Variants in TJP1 observed in about 807,000 individuals in gnomAD.
The protein encoded by TJP1 is tight junction protein ZO-1.
In TJP1, 43 loss-of-function variants were observed where a neutral mutation model predicts 194.2. The ratio of observed to expected loss-of-function variants is 0.22; its 90% confidence interval spans 0.17 to 0.29. The LOEUF is 0.29. Among genes scored for constraint, TJP1 ranks in the 10% least tolerant of loss-of-function variants. The pLI is 1.00. For synonymous variants in TJP1, 801 were observed against 779.0 expected (o/e 1.03, Z -0.47); for missense variants, 1,971 against 2,185.7 (o/e 0.90, Z 1.96).
chr15:29,967,408 A>G (rs2056371564), intron 1 of TJP1, among the ~76,000 whole-genome samples: 1 of 152,074 alleles, frequency 6.6e-6, no homozygotes, highest in African/African-American at 2.4e-5. Flanking sequence ...GAAAGACACT[A>G]ACATTTACTA....
intron 2 of TJP1, among the ~76,000 whole-genome samples, chr15:29,941,638 A>C (rs968478683): frequency 6.6e-5 from 10 of 152,074 alleles, no homozygotes; most frequent in Non-Finnish European, 1.2e-4. Context: ...TTCCAGATCC[A>C]GTTTCCCAGC....
intron 2 of TJP1, among the ~76,000 whole-genome samples, chr15:29,874,832 A>G (rs2052643165): frequency 6.6e-6 from 1 of 152,260 alleles, no homozygotes; most frequent in Admixed American, 6.5e-5. Flanking sequence ...GACAAATGTC[A>G]CACAAAATGT....
chr15:29,964,754 C>T (rs1240197522), intron 1 of TJP1, among the ~76,000 whole-genome samples: 2 of 152,220 alleles, frequency 1.3e-5, no homozygotes, highest in Admixed American at 6.5e-5. Flanking sequence ...CAAACTTATA[C>T]CTACCTCAGG....
At position 29,778,180 on chromosome 15, in the gene TJP1, A is replaced by T. The variant is rs1224958990; in HGVS notation, c.85-4823T>A. Among the ~76,000 whole-genome samples, 5 of 152,272 alleles carry T rather than the reference A, an allele frequency of 3.3e-5. No individual in the cohort carries two copies. The East Asian group carries it at 9.7e-4, about 29-fold the overall frequency. On this transcript the variant is annotated intron_variant, in intron 2 of 27. Transcript: ENST00000614355. ...TAATCCTGCTACATCAGTGCTTACCACAGTTCACTTAATGACTATCCAGGA... is the reference window on the plus strand; with the variant it reads ...TAATCCTGCTACATCAGTGCTTACCTCAGTTCACTTAATGACTATCCAGGA...
intron 23 of TJP1, among the ~76,000 whole-genome samples, chr15:29,715,921 T>C (rs1207936897): frequency 6.6e-6 from 1 of 152,242 alleles, no homozygotes; most frequent in Non-Finnish European, 1.5e-5. Flanking sequence ...GGTATGAATC[T>C]ACCTGTGTGC....
rs2041726369 is a variant in TJP1 at position 29,703,985 on chromosome 15, C to T, written c.5212+177G>A. ...AAAGGCAGAAAGTCTTCTACCTTTC[C>T]ATATTTATTTACAATATATGCACCA... On this transcript the variant is annotated intron_variant, in intron 27 of 27. Transcript: ENST00000614355. Among the ~76,000 whole-genome samples, 4 of 152,298 alleles carry T rather than the reference C, an allele frequency of 2.6e-5. No individual in the cohort carries two copies. The South Asian group carries it at 6.2e-4, about 24-fold the overall frequency.
chr15:29,754,912 G>A (rs1015948540), intron 8 of TJP1, among the ~76,000 whole-genome samples: 3 of 152,172 alleles, frequency 2.0e-5, no homozygotes, highest in Non-Finnish European at 4.4e-5. Flanking sequence ...TATACAGTAA[G>A]ATGAAATAAT....
Position 29,718,383 on chromosome 15 carries a change from T to C in TJP1, c.3759A>G (p.Glu1253=). The C allele has an allele frequency of 6.2e-7, 1 of 1,614,170 alleles. No homozygotes were observed. The highest frequency in any genetic ancestry group is 8.5e-7 in the Non-Finnish European group (1 of 1,180,028). The change falls in exon 21 of 28, where the codon GAA becomes GAG. Residue 1253 remains glutamate, a synonymous_variant. Transcript: ENST00000614355. ...GTGGCTTCATTGCTGGATCTTCCTC[T>C]TCTTCGGTTTGAGTTGGGGGTGGAG... ...PLPPPPTQTE[E]EEDPAMKPQS... is the part of the protein sequence containing the mutation.
intron 8 of TJP1, among the ~76,000 whole-genome samples, chr15:29,743,541 A>G (rs2044565252): frequency 6.6e-6 from 1 of 152,192 alleles, no homozygotes; most frequent in Admixed American, 6.5e-5. Flanking sequence ...GCTGGGCAAC[A>G]TAGCAAATTC....
intron 2 of TJP1, among the ~76,000 whole-genome samples, chr15:29,839,052 G>T (rs1263662345): frequency 8.0e-6 from 1 of 125,722 alleles, no homozygotes; most frequent in African/African-American, 3.0e-5. Flanking sequence ...AGGCTGGAGT[G>T]CAGTGGTGCC....
rs975368015 is a variant in TJP1 at position 29,923,897 on chromosome 15, G to A, written c.306+32335C>T. On this transcript the variant is annotated intron_variant, in intron 2 of 28. Coordinates refer to the TJP1 transcript ENST00000356107. ...ACCCCTGCCACCTGAGTACCCTCATGCTTACAGCTAAACATGCCTATGTGT... is the reference window on the plus strand; with the variant it reads ...ACCCCTGCCACCTGAGTACCCTCATACTTACAGCTAAACATGCCTATGTGT... Among the ~76,000 whole-genome samples the A allele has an allele frequency of 4.6e-5, 7 of 152,292 alleles. No individual in the cohort carries two copies. In the East Asian group the frequency reaches 9.7e-4, roughly 21 times the overall value.
At chr15:29,755,627 T>G (rs1473104369) in intron 8 of TJP1, among the ~76,000 whole-genome samples, 1 of 152,228 alleles carries the variant, frequency 6.6e-6, no homozygotes. Context: ...TTCAATCTTC[T>G]GAAAACACTG....
At chr15:29,909,338 CAAAAAAAAAAAA>C (rs11353216) in intron 2 of TJP1, among the ~76,000 whole-genome samples, 1 of 93,670 alleles carries the variant, frequency 1.1e-5, no homozygotes, top group Non-Finnish European at 2.1e-5. Flanking sequence ...ACTTCATCTC[CAAAAAAAAAAAA>C]AAAAAAAGAG....
intron 2 of TJP1, among the ~76,000 whole-genome samples, chr15:29,870,500 A>C (rs2052474896): frequency 6.6e-6 from 1 of 152,238 alleles, no homozygotes; most frequent in Non-Finnish European, 1.5e-5. Flanking sequence ...AAAACTCTTA[A>C]GCTTGGAAAC....
chr15:29,751,126 C>T (rs1186004906), intron 8 of TJP1, among the ~76,000 whole-genome samples: 11 of 152,182 alleles, frequency 7.2e-5, no homozygotes, highest in Non-Finnish European at 1.5e-5. Flanking sequence ...AAAAAATGGT[C>T]TCTCTCTGCA....
rs138024552 is a variant in TJP1 at position 29,714,044 on chromosome 15, A to T, written c.4202+2567T>A. 7.0e-4 allele frequency among the ~76,000 whole-genome samples: 107 copies of T among 152,324 alleles called. 5 individuals carry two copies. The highest frequency in any genetic ancestry group is 2.5e-3 in the African/African-American group (105 of 41,578). ...AAGAAGGGTGGTGGATGCACCTAGT[A>T]TACCATGCCCTGTTTTGAGCTTCAT... On this transcript the variant is annotated intron_variant, in intron 23 of 27. Coordinates refer to ENST00000614355, the MANE Select transcript of TJP1 (RefSeq NM_001330239.4).
Position 29,709,105 on chromosome 15 carries a change from CT to C in TJP1, c.4373-70del, listed in dbSNP as rs2151025814. ...TTATAATAGCCCTGTCCCAGCTTAA[CT>C]TGTCCTGGTGCTGGAGTCGAGGCCC... On this transcript the variant is annotated intron_variant, in intron 24 of 27. Transcript: ENST00000614355. The C allele has an allele frequency of 6.9e-6, 10 of 1,456,150 alleles. No individual in the cohort carries two copies. In the East Asian group the frequency reaches 2.3e-4, roughly 33 times the overall value. The allele number at this position is 1,456,150 out of a possible 1,614,324, so 90.2% of individuals were successfully genotyped here.
At chr15:29,808,534 T>C (rs147824385) in intron 1 of TJP1, among the ~76,000 whole-genome samples, 13 of 152,300 alleles carry the variant, frequency 8.5e-5, no homozygotes, top group South Asian at 2.1e-4. Context: ...TGTAAGTAAT[T>C]TGACTGCAAT....
intron 1 of TJP1, among the ~76,000 whole-genome samples, chr15:29,965,752 C>T (rs1330242256): frequency 6.6e-6 from 1 of 152,148 alleles, no homozygotes; most frequent in Non-Finnish European, 1.5e-5. Context: ...TCTGGCGGCA[C>T]AATGTTCTCC....
Sources: allele counts gnomAD v4.1 joint callset (sites outside exome capture counted in the v4.1 genomes callset), GRCh38; gene constraint gnomAD v4.1.1; transcripts MANE v1.5; gene names NCBI Gene and HGNC (gene_info 2026-07-23, HGNC 2026-07-21).